Variants in MLF2 observed in about 807,000 individuals in gnomAD.
MLF2 encodes myeloid leukemia factor 2.
Under a neutral mutation model 31.4 loss-of-function variants are expected in MLF2, and 12 were observed. That is an observed-to-expected ratio of 0.38 (90% CI 0.24 to 0.62). MLF2 has a LOEUF of 0.62. MLF2 is among the 20% of genes least tolerant of loss of function. MLF2 has a pLI of 0.58. For synonymous variants in MLF2, 109 were observed against 118.8 expected (o/e 0.92, Z 0.54); for missense variants, 272 against 359.7 (o/e 0.76, Z 1.97).
At chr12:6,751,303 C>T in intron 4 of MLF2, 3 of 312,154 alleles carry the variant, frequency 9.6e-6, no homozygotes, top group Non-Finnish European at 1.2e-5. Context: ...CTGCAATCTC[C>T]ACCTCCCGGA....
In MLF2 at chr12:6,753,106, A is replaced by G. The variant is rs1343515805; in HGVS notation, c.-196T>C. The G allele has an allele frequency of 5.1e-6, 2 of 392,150 alleles. No individual in the cohort carries two copies. Among genetic ancestry groups the G allele is most frequent in the Non-Finnish European group, 9.0e-6 (2 of 222,536 alleles). 24.3% of individuals were successfully genotyped at this position (392,150 alleles called of 1,614,324 possible). On this transcript the variant is annotated 5_prime_UTR_variant, in exon 1 of 9. Coordinates refer to ENST00000203630, the MANE Select transcript of MLF2 (RefSeq NM_001382226.1). ...CACCTCCGTACGGCCCCCTCGGCCA[A>G]CGGAGCCCGAACCTCGGCCAGGCCC...
Position 6,752,249 on chromosome 12 carries a change from T to TGGA in MLF2, c.50+33_50+35dup. ...TGTCTGCCTGAACTGCTCAGAGACC[T>TGGA]GGAGTGGGAGAGCTTGAGGGGGAGG... On this transcript the variant is annotated intron_variant, in intron 2 of 8. Transcript: ENST00000203630. The surrounding 1 kb of genome is among the most constrained non-coding windows in gnomAD (Gnocchi z 4.6). The TGGA allele has an allele frequency of 1.3e-6, 2 of 1,556,828 alleles. No individual in the cohort carries two copies. Among genetic ancestry groups the TGGA allele is most frequent in the Non-Finnish European group, 1.7e-6 (2 of 1,149,028 alleles).
Position 6,753,075 on chromosome 12 carries a change from A to G in MLF2, c.-165T>C. 2.6e-6 allele frequency: 1 copy of G among 386,352 alleles called. No homozygotes were observed. The highest frequency in any genetic ancestry group is 2.1e-5 in the African/African-American group (1 of 48,344). The allele number at this position is 386,352 out of a possible 1,614,324, so 23.9% of individuals were successfully genotyped here. On this transcript the variant is annotated 5_prime_UTR_variant, in exon 1 of 9. Transcript: ENST00000203630. ...GGCCTTCCACGCCGCCTCCTCCCAC[A>G]GCTGCCACCTCCGTACGGCCCCCTC...
chr12:6,750,410 A>G lies in MLF2; in HGVS notation c.271-105T>C, dbSNP rs1389853598. 7.0e-7 allele frequency: 1 copy of G among 1,428,952 alleles called. No homozygotes were observed. The highest frequency in any genetic ancestry group is 9.5e-7 in the Non-Finnish European group (1 of 1,057,746). The allele number at this position is 1,428,952 out of a possible 1,614,324, so 88.5% of individuals were successfully genotyped here. ...TTCTAGCCTGTATCTTTCTCACAAA[A>G]TGCAAGAACTGAAAAAACATCAGGC... On this transcript the variant is annotated intron_variant, in intron 5 of 8. Transcript: ENST00000203630. This position sits in a 1 kb window ranked among gnomAD's most constrained non-coding sequence, Gnocchi z 5.3.
chr12:6,751,555 C>A, intron 4 of MLF2, 86 bp downstream of exon 4: 2 of 1,444,334 alleles, frequency 1.4e-6, no homozygotes. Context: ...ACTCATGAAA[C>A]TATTCCTAAG....
chr12:6,749,043 C>T lies in MLF2; in HGVS notation c.560-61G>A, dbSNP rs1199277089. 9 of 1,461,062 alleles carry T rather than the reference C, an allele frequency of 6.2e-6. No individual in the cohort carries two copies. The highest frequency in any genetic ancestry group is 5.7e-5 in the East Asian group (2 of 35,138). The allele number at this position is 1,461,062 out of a possible 1,614,324, so 90.5% of individuals were successfully genotyped here. A position where few individuals can be genotyped will look rare whatever the true frequency, so the allele number is the denominator to read the frequency against. The stretch of plus-strand genomic sequence containing the variant: ...GGCCTGGCTCCTGGAGGCCGATGTG[C>T]GAGCGAGCCACAGCTTTTCGGGCCA... On this transcript the variant is annotated intron_variant, in intron 7 of 8. Coordinates refer to ENST00000203630, the MANE Select transcript of MLF2 (RefSeq NM_001382226.1). This position sits in a 1 kb window ranked among gnomAD's most constrained non-coding sequence, Gnocchi z 5.3.
rs1247831362 is a variant in MLF2, at chr12:6,752,655, C to T, written c.-29+284G>A. ...GCCGGTAGCATACTCTCCCCTCCTC[C>T]CGCCGACGACACCGTTCTAGATGAG... On this transcript the variant is annotated intron_variant, in intron 1 of 8. Coordinates refer to ENST00000203630, the MANE Select transcript of MLF2 (RefSeq NM_001382226.1). This position sits in a 1 kb window ranked among gnomAD's most constrained non-coding sequence, Gnocchi z 4.6. The T allele has an allele frequency of 6.9e-6, 2 of 290,788 alleles. No individual in the cohort carries two copies. Among genetic ancestry groups the T allele is most frequent in the South Asian group, 5.6e-5 (1 of 17,996 alleles). The allele number at this position is 290,788 out of a possible 1,614,324, so 18.0% of individuals were successfully genotyped here. A position where few individuals can be genotyped will look rare whatever the true frequency, so the allele number is the denominator to read the frequency against.
In MLF2 at chr12:6,748,878, G is replaced by A; in HGVS notation, c.664C>T (p.Arg222Ter). The A allele has an allele frequency of 6.3e-7, 1 of 1,596,950 alleles. No individual in the cohort carries two copies. Among genetic ancestry groups the A allele is most frequent in the Non-Finnish European group, 8.5e-7 (1 of 1,173,276 alleles). The change falls in exon 8 of 9, where the codon CGA (arginine) becomes TGA (stop). Residue 222 changes from arginine (R) to a stop codon, truncating the protein, a stop_gained. Coordinates refer to ENST00000203630, the MANE Select transcript of MLF2 (RefSeq NM_001382226.1). LOFTEE classifies it high-confidence loss of function. The surrounding 1 kb of genome is among the most constrained non-coding windows in gnomAD (Gnocchi z 4.6). ...AGGCGGGGAGGCCCCTCCGCCCTTC[G>A]TCCCCCAGCCCCTGAGGACTCAAGC... ...RRLESSGAGGRRAEGPPRLAI... is the reference protein window; with the variant it reads ...RRLESSGAGG
Position 6,753,139 on chromosome 12 carries a change from A to G in MLF2, c.-229T>C. 2 of 318,144 alleles carry G rather than the reference A, an allele frequency of 6.3e-6. No individual in the cohort carries two copies. The highest frequency in any genetic ancestry group is 9.8e-5 in the Admixed American group (2 of 20,354). 19.7% of individuals were successfully genotyped at this position (318,144 alleles called of 1,614,324 possible). ...CGAACCTCGGCCAGGCCCGGGCGGA[A>G]GTGACGTCACGATAGACCCGCCCAC... On this transcript the variant is annotated 5_prime_UTR_variant, in exon 1 of 9. Coordinates refer to ENST00000203630, the MANE Select transcript of MLF2 (RefSeq NM_001382226.1).
At position 6,751,690 on chromosome 12, in the gene MLF2, T is replaced by C. The variant is rs768450567; in HGVS notation, c.181-14A>G. 5 of 1,613,842 alleles carry C rather than the reference T, an allele frequency of 3.1e-6. No homozygotes were observed. Among genetic ancestry groups the C allele is most frequent in the Non-Finnish European group, 4.2e-6 (5 of 1,179,864 alleles). ...GACAGCTCCAGCCTACAGGAACACA[T>C]GAGGAACAGAAATTAGAGACCACAT... On this transcript the variant is annotated splice_polypyrimidine_tract_variant and intron_variant, in intron 3 of 8. Transcript: ENST00000203630.
chr12:6,752,253 G>A lies in MLF2; in HGVS notation c.50+32C>T. The A allele has an allele frequency of 6.4e-7, 1 of 1,557,620 alleles. No homozygotes were observed. The highest frequency in any genetic ancestry group is 8.7e-7 in the Non-Finnish European group (1 of 1,149,560). On this transcript the variant is annotated intron_variant, in intron 2 of 8. Coordinates refer to ENST00000203630, the MANE Select transcript of MLF2 (RefSeq NM_001382226.1). This position sits in a 1 kb window ranked among gnomAD's most constrained non-coding sequence, Gnocchi z 4.6. ...TGCCTGAACTGCTCAGAGACCTGGA[G>A]TGGGAGAGCTTGAGGGGGAGGGAAT...
rs180920400 is a variant in MLF2, at chr12:6,749,072, C to T, written c.560-90G>A. ...CGAGCCACAGCTTTTCGGGCCAAAG[C>T]GGCGAAGGCTGAGTGTGCGTGCAGG... On this transcript the variant is annotated intron_variant, in intron 7 of 8. Coordinates refer to ENST00000203630, the MANE Select transcript of MLF2 (RefSeq NM_001382226.1). This position sits in a 1 kb window ranked among gnomAD's most constrained non-coding sequence, Gnocchi z 5.3. 1.8e-5 allele frequency: 25 copies of T among 1,370,186 alleles called. No individual in the cohort carries two copies. Among genetic ancestry groups the T allele is most frequent in the Middle Eastern group, 2.5e-4 (1 of 4,022 alleles). 84.9% of individuals were successfully genotyped at this position (1,370,186 alleles called of 1,614,324 possible). A position where few individuals can be genotyped will look rare whatever the true frequency, so the allele number is the denominator to read the frequency against.
At position 6,750,841 on chromosome 12, in the gene MLF2, C is replaced by A; in HGVS notation, c.217-75G>T. 7.8e-7 allele frequency: 1 copy of A among 1,283,386 alleles called. No individual in the cohort carries two copies. Among genetic ancestry groups the A allele is most frequent in the South Asian group, 1.2e-5 (1 of 82,512 alleles). 79.5% of individuals were successfully genotyped at this position (1,283,386 alleles called of 1,614,324 possible). ...AGAGTTGATCCTGTTTAGGAACCCA[C>A]AACCCACATGGCTGCACATTTCCTT... On this transcript the variant is annotated intron_variant, in intron 4 of 8. Coordinates refer to ENST00000203630, the MANE Select transcript of MLF2 (RefSeq NM_001382226.1). This position sits in a 1 kb window ranked among gnomAD's most constrained non-coding sequence, Gnocchi z 5.3.
At position 6,751,677 on chromosome 12, in the gene MLF2, C is replaced by T; in HGVS notation, c.181-1G>A. 6.2e-7 allele frequency: 1 copy of T among 1,614,104 alleles called. No homozygotes were observed. The highest frequency in any genetic ancestry group is 8.5e-7 in the Non-Finnish European group (1 of 1,179,960). On this transcript the variant is annotated splice_acceptor_variant, in intron 3 of 8. Transcript: ENST00000203630. LOFTEE classifies it high-confidence loss of function. Reference sequence around the variant, plus strand: ...TCCCAAAGGGGGAGACAGCTCCAGCCTACAGGAACACATGAGGAACAGAAA... The same window carrying T: ...TCCCAAAGGGGGAGACAGCTCCAGCTTACAGGAACACATGAGGAACAGAAA...
At chr12:6,751,887 C>T (rs1427160757) in intron 3 of MLF2, 38 bp downstream of exon 3, 1 of 1,610,814 alleles carries the variant, frequency 6.2e-7, no homozygotes, top group Non-Finnish European at 8.5e-7. Context: ...TAACCTCCAA[C>T]CTTTCTTTGG....
In MLF2 at chr12:6,748,731, C is replaced by A; in HGVS notation, c.*25+39G>T. 7.0e-7 allele frequency: 1 copy of A among 1,429,548 alleles called. No individual in the cohort carries two copies. Among genetic ancestry groups the A allele is most frequent in the South Asian group, 1.6e-5 (1 of 63,628 alleles). The allele number at this position is 1,429,548 out of a possible 1,614,324, so 88.6% of individuals were successfully genotyped here. A position where few individuals can be genotyped will look rare whatever the true frequency, so the allele number is the denominator to read the frequency against. On this transcript the variant is annotated intron_variant, in intron 8 of 8. Coordinates refer to ENST00000203630, the MANE Select transcript of MLF2 (RefSeq NM_001382226.1). The surrounding 1 kb of genome is among the most constrained non-coding windows in gnomAD (Gnocchi z 4.6). ...AGCCTGCCTTGCAGCCGAGGACCGT[C>A]CGCAGGTGCACCCCACCCTCCTTAC...
In MLF2 at chr12:6,752,447, C is replaced by G. The variant is rs1941630906; in HGVS notation, c.-28-85G>C. 2 of 1,128,454 alleles carry G rather than the reference C, an allele frequency of 1.8e-6. No individual in the cohort carries two copies. Among genetic ancestry groups the G allele is most frequent in the African/African-American group, 3.1e-5 (2 of 64,186 alleles). The allele number at this position is 1,128,454 out of a possible 1,614,324, so 69.9% of individuals were successfully genotyped here. ...GTGTGGGGACTCTCAGAGCACTGTC[C>G]TTTCCAAATCCTGTAACTGACCCCC... On this transcript the variant is annotated intron_variant, in intron 1 of 8. Transcript: ENST00000203630. This position sits in a 1 kb window ranked among gnomAD's most constrained non-coding sequence, Gnocchi z 4.6.
Position 6,750,380 on chromosome 12 carries a change from G to A in MLF2, c.271-75C>T. ...GGTGAAGGGATTTCACCCTTCAGCTGCCTGTTCTAGCCTGTATCTTTCTCA... is the reference window on the plus strand; with the variant it reads ...GGTGAAGGGATTTCACCCTTCAGCTACCTGTTCTAGCCTGTATCTTTCTCA... On this transcript the variant is annotated intron_variant, in intron 5 of 8. Transcript: ENST00000203630. The surrounding 1 kb of genome is among the most constrained non-coding windows in gnomAD (Gnocchi z 5.3). The A allele has an allele frequency of 6.7e-7, 1 of 1,495,428 alleles. No homozygotes were observed. 92.6% of individuals were successfully genotyped at this position (1,495,428 alleles called of 1,614,324 possible). A position where few individuals can be genotyped will look rare whatever the true frequency, so the allele number is the denominator to read the frequency against.
At chr12:6,751,216 C>A (rs1039083388) in intron 4 of MLF2, 9 of 235,092 alleles carry the variant, frequency 3.8e-5, no homozygotes, top group Non-Finnish European at 7.4e-5. Context: ...TTAATAACAT[C>A]TTTTCTTTTT....
Sources: allele counts gnomAD v4.1 joint callset, GRCh38; gene constraint gnomAD v4.1.1; non-coding constraint Gnocchi (gnomAD v3.1); transcripts MANE v1.5; gene names NCBI Gene and HGNC (gene_info 2026-07-23, HGNC 2026-07-21).